Variants in PDE1C observed in about 807,000 individuals in gnomAD.
The protein encoded by PDE1C is phosphodiesterase 1C.
A neutral mutation model predicts 93.1 loss-of-function variants in PDE1C; 62 were observed. The observed-to-expected ratio is 0.67, with a 90% CI of 0.54 to 0.82. The LOEUF (loss-of-function observed/expected upper bound fraction) is 0.82, where lower values mean the gene tolerates loss of function less well. Among genes scored for constraint, PDE1C ranks in the 40% least tolerant of loss-of-function variants. The pLI is 0.00. For missense variants in PDE1C, 742 were observed against 884.6 expected (o/e 0.84, Z 2.04); for synonymous variants, 325 against 310.1 (o/e 1.05, Z -0.50).
intron 3 of PDE1C, among the ~76,000 whole-genome samples, chr7:32,091,976 TGA>T (rs1797496412): frequency 6.6e-6 from 1 of 152,096 alleles, no homozygotes; most frequent in Non-Finnish European, 1.5e-5. Context: ...TCTGGATACG[TGA>T]GAGAAGAGTA....
chr7:31,652,573 A>T, the PDE1C span: 1 of 1,611,440 alleles, frequency 6.2e-7, no homozygotes, highest in Non-Finnish European at 8.5e-7. Flanking sequence ...CTGCATCAAT[A>T]TAACTGGATA....
intron 3 of PDE1C, among the ~76,000 whole-genome samples, chr7:32,099,809 C>T (rs1164301531): frequency 6.6e-6 from 1 of 152,162 alleles, no homozygotes; most frequent in African/African-American, 2.4e-5. Context: ...TGCCTCCTCT[C>T]TCCCAACACC....
At chr7:31,957,230 C>T (rs948874297) in intron 2 of PDE1C, among the ~76,000 whole-genome samples, 19 of 150,960 alleles carry the variant, frequency 1.3e-4, no homozygotes, top group Non-Finnish European at 2.4e-4. Context: ...TGCAACCCCA[C>T]GTTGACATTT....
chr7:31,953,694 C>T (rs1329956191), intron 2 of PDE1C, among the ~76,000 whole-genome samples: 1 of 152,122 alleles, frequency 6.6e-6, no homozygotes, highest in African/African-American at 2.4e-5. Flanking sequence ...GAAGCTGTCT[C>T]ATAGGATCCC....
chr7:32,412,533 G>GTA (rs1161550869), intron 1 of PDE1C, among the ~76,000 whole-genome samples: 1 of 151,532 alleles, frequency 6.6e-6, no homozygotes, highest in Non-Finnish European at 1.5e-5. Flanking sequence ...GTGTTATGTA[G>GTA]TATACATAAT....
chr7:32,335,495 C>A (rs182954884), intron 1 of PDE1C, among the ~76,000 whole-genome samples: 1 of 152,262 alleles, frequency 6.6e-6, no homozygotes, highest in East Asian at 1.9e-4. Context: ...ATTCTGGAGA[C>A]TAGAAGTTCA....
At chr7:31,837,787 T>A in intron 10 of PDE1C, 83 bp downstream of exon 10, 2 of 835,128 alleles carry the variant, frequency 2.4e-6, no homozygotes, top group Admixed American at 2.0e-5. Flanking sequence ...TTAAAGGAGA[T>A]GCTCTTTAAA....
At chr7:31,791,051 G>A (rs1703542351) in intron 16 of PDE1C, among the ~76,000 whole-genome samples, 2 of 152,082 alleles carry the variant, frequency 1.3e-5, no homozygotes, top group African/African-American at 4.8e-5. Flanking sequence ...CTTTAAGAAG[G>A]GTAACACTAT....
chr7:32,070,497 T>C, upstream of PDE1C: 1 of 1,556,582 alleles, frequency 6.4e-7, no homozygotes, highest in Non-Finnish European at 8.7e-7. Flanking sequence ...GCGGCGCGCG[T>C]TTGCCCGGCA....
intron 1 of PDE1C, among the ~76,000 whole-genome samples, chr7:32,407,036 G>A (rs1169701665): frequency 6.6e-6 from 1 of 152,196 alleles, no homozygotes. Flanking sequence ...AGCACTTTGG[G>A]AGGCCAAGGT....
At chr7:31,764,061 A>T (rs551501261) in intron 17 of PDE1C, among the ~76,000 whole-genome samples, 5 of 151,420 alleles carry the variant, frequency 3.3e-5, no homozygotes, top group African/African-American at 1.2e-4. Context: ...TGCTGAAACT[A>T]TGTGCCATTT....
intron 1 of PDE1C, among the ~76,000 whole-genome samples, chr7:32,293,144 C>T (rs892329715): frequency 3.3e-5 from 5 of 152,202 alleles, no homozygotes; most frequent in African/African-American, 1.2e-4. Context: ...GGGTGACAGC[C>T]AGGCACTGTG....
chr7:31,957,201 TA>T (rs1808263914), intron 2 of PDE1C, among the ~76,000 whole-genome samples: 1 of 150,708 alleles, frequency 6.6e-6, no homozygotes, highest in Non-Finnish European at 1.5e-5. Flanking sequence ...TAAACTGATA[TA>T]AATGTAAAGA....
At chr7:31,628,104 AAG>A in the PDE1C span, among the ~76,000 whole-genome samples, 1 of 152,214 alleles carries the variant, frequency 6.6e-6, no homozygotes, top group Non-Finnish European at 1.5e-5. Context: ...GGAGCCTGAG[AAG>A]AGAGACCTCT....
the PDE1C span, among the ~76,000 whole-genome samples, chr7:31,657,960 C>G: frequency 6.6e-6 from 1 of 152,140 alleles, no homozygotes; most frequent in Non-Finnish European, 1.5e-5. Flanking sequence ...AGGATCCTAC[C>G]CTGTATTAAT....
intron 2 of PDE1C, among the ~76,000 whole-genome samples, chr7:32,047,058 A>T (rs1015588303): frequency 2.3e-5 from 2 of 86,194 alleles, no homozygotes; most frequent in African/African-American, 9.6e-5. Context: ...TGTGTGCGAG[A>T]CAGAGTGTGT....
At chr7:31,948,057 T>C (rs905634767) in intron 2 of PDE1C, among the ~76,000 whole-genome samples, 4 of 152,220 alleles carry the variant, frequency 2.6e-5, no homozygotes, top group Admixed American at 1.3e-4. Flanking sequence ...TCCTGTTAGA[T>C]GGTGCTGGTT....
intron 3 of PDE1C, among the ~76,000 whole-genome samples, chr7:32,108,814 G>A (rs948317390): frequency 4.6e-5 from 7 of 152,182 alleles, no homozygotes; most frequent in African/African-American, 1.7e-4. Flanking sequence ...ACAGACCCAG[G>A]CAGGCAAGCA....
chr7:31,876,470 G>A (rs1037961382), intron 5 of PDE1C, among the ~76,000 whole-genome samples: 2 of 152,072 alleles, frequency 1.3e-5, no homozygotes, highest in Admixed American at 6.6e-5. Flanking sequence ...CTTCAATTTG[G>A]ATAGAAAAGA....
Sources: allele counts gnomAD v4.1 joint callset (sites outside exome capture counted in the v4.1 genomes callset), GRCh38; gene constraint gnomAD v4.1.1; transcripts MANE v1.5; gene names NCBI Gene and HGNC (gene_info 2026-07-23, HGNC 2026-07-21).